PRRG1: variants seen among roughly 807,000 people sequenced by gnomAD.
The protein encoded by PRRG1 is proline rich and Gla domain 1.
A neutral mutation model predicts 11.8 loss-of-function variants in PRRG1; 5 were observed. The ratio of observed to expected loss-of-function variants is 0.42; its 90% CI spans 0.22 to 0.89. The LOEUF (loss-of-function observed/expected upper bound fraction) is 0.89, where lower values mean the gene tolerates loss of function less well. Ranked by LOEUF, PRRG1 falls within the 40% of genes least tolerant of loss-of-function variation. The probability of loss-of-function intolerance (pLI) is 0.28; values close to 1 mark genes in which losing one functional copy is unlikely to be tolerated. For synonymous variants in PRRG1, 66 were observed against 60.4 expected, an observed-to-expected ratio of 1.09 and a Z score of -0.43; for missense variants, 155 against 166.1, an observed-to-expected ratio of 0.93 and a Z score of 0.37.
intron 3 of PRRG1, among the ~76,000 whole-genome samples, chrX:37,429,506 C>G (rs1932805621): frequency 8.9e-6 from 1 of 111,734 alleles, no homozygotes; most frequent in Non-Finnish European, 1.9e-5. Context: ...GTCACCTTTG[C>G]TCCAGTTCCC....
At chrX:37,356,571 T>C (rs1214798273) in intron 1 of PRRG1, among the ~76,000 whole-genome samples, 1 of 110,473 alleles carries the variant, frequency 9.1e-6, no homozygotes, top group African/African-American at 3.3e-5. Context: ...GAGAAATTTT[T>C]GAATGGGGAG....
At chrX:37,403,114 G>A (rs1932066851) in intron 1 of PRRG1, among the ~76,000 whole-genome samples, 2 of 109,213 alleles carry the variant, frequency 1.8e-5, no homozygotes, top group Non-Finnish European at 3.8e-5. Context: ...ATTTGACCCA[G>A]CCATCCCATT....
chrX:37,450,880 A>G (rs1292686126), intron 3 of PRRG1, among the ~76,000 whole-genome samples: 3 of 112,440 alleles, frequency 2.7e-5, no homozygotes, highest in Non-Finnish European at 5.6e-5. Context: ...GTGATTGGCA[A>G]GTGTACAGGA....
chrX:37,403,497 G>T (rs1313700276), intron 1 of PRRG1, among the ~76,000 whole-genome samples: 1 of 63,697 alleles, frequency 1.6e-5, no homozygotes, highest in Non-Finnish European at 2.7e-5. Context: ...GGGGAGGGGG[G>T]AGGGATAGCA....
intron 1 of PRRG1, among the ~76,000 whole-genome samples, chrX:37,405,008 A>C (rs910177796): frequency 2.9e-4 from 33 of 112,016 alleles, no homozygotes; most frequent in African/African-American, 1.1e-3. Flanking sequence ...AAATATTTTG[A>C]GACTGTACTT....
chrX:37,420,411 G>A (rs1457042842), intron 2 of PRRG1, among the ~76,000 whole-genome samples: 1 of 111,191 alleles, frequency 9.0e-6, no homozygotes, highest in African/African-American at 3.3e-5. Context: ...TAGAGGAGAG[G>A]CCCTGACTCT....
intron 1 of PRRG1, among the ~76,000 whole-genome samples, chrX:37,368,898 A>G (rs1042999256): frequency 1.4e-4 from 16 of 111,182 alleles, no homozygotes; most frequent in Non-Finnish European, 2.6e-4. Context: ...CCACTTACTT[A>G]GTTAATAATG....
Position 37,414,624 on chromosome X carries a change from A to G in PRRG1, c.10+8365A>G, listed in dbSNP as rs144147999. ...CCTCTCCTTCAGACAGAACAACTGTACTACATTGTATTTTATCTGTTTTTA... is the reference window on the plus strand; with the variant it reads ...CCTCTCCTTCAGACAGAACAACTGTGCTACATTGTATTTTATCTGTTTTTA... On this transcript the variant is annotated intron_variant, in intron 2 of 3. Coordinates refer to ENST00000378628, the MANE Select transcript of PRRG1 (RefSeq NM_001142395.2). Among the ~76,000 whole-genome samples the G allele has an allele frequency of 3.3e-3, 372 of 112,988 alleles. 2 individuals carry two copies. Among genetic ancestry groups the G allele is most frequent in the African/African-American group, 0.011 (351 of 31,166 alleles).
chrX:37,403,645 T>C (rs868941401), intron 1 of PRRG1: 6 of 420,131 alleles, frequency 1.4e-5, no homozygotes, highest in Non-Finnish European at 1.5e-5. Flanking sequence ...TAAAATAAAA[T>C]AATAAAATAA....
chrX:37,385,219 G>T (rs1360263699), intron 1 of PRRG1, among the ~76,000 whole-genome samples: 1 of 111,913 alleles, frequency 8.9e-6, no homozygotes, highest in African/African-American at 3.2e-5. Context: ...TTGAGCAAAA[G>T]AAGCTTGATC....
chrX:37,432,116 C>G (rs1556390419), intron 3 of PRRG1, among the ~76,000 whole-genome samples: 2 of 103,189 alleles, frequency 1.9e-5, no homozygotes, highest in African/African-American at 7.3e-5. Context: ...GAGATGGAGT[C>G]TCGCTCTGTC....
At chrX:37,403,829 CT>C (rs1356504479) in intron 1 of PRRG1, 1 of 649,127 alleles carries the variant, frequency 1.5e-6, no homozygotes, top group African/African-American at 2.5e-5. Flanking sequence ...GGTATTAGGC[CT>C]TGAGCCTTTT....
chrX:37,443,428 G>T (rs1933021563), intron 3 of PRRG1, among the ~76,000 whole-genome samples: 1 of 111,895 alleles, frequency 8.9e-6, no homozygotes, highest in African/African-American at 3.3e-5. Flanking sequence ...GGAAATATAC[G>T]TAAGGGAGAC....
chrX:37,406,093 G>T, intron 1 of PRRG1, 116 bp from the exon 2 acceptor site: 1 of 570,329 alleles, frequency 1.8e-6, no homozygotes, highest in Non-Finnish European at 2.7e-6. Flanking sequence ...GAGAAAGATT[G>T]GAATGTACTG....
intron 2 of PRRG1, among the ~76,000 whole-genome samples, chrX:37,407,473 T>C (rs1257862584): frequency 9.0e-6 from 1 of 111,372 alleles, no homozygotes; most frequent in Non-Finnish European, 1.9e-5. Context: ...TGGTGTGTGG[T>C]GTGGTATAGT....
chrX:37,361,199 G>T (rs113991353), intron 1 of PRRG1, among the ~76,000 whole-genome samples: 4 of 110,855 alleles, frequency 3.6e-5, no homozygotes, highest in Non-Finnish European at 7.6e-5. Flanking sequence ...AAAATTAGCC[G>T]GGCATGGTGG....
intron 3 of PRRG1, among the ~76,000 whole-genome samples, chrX:37,435,739 A>G (rs782219016): frequency 2.0e-4 from 22 of 111,763 alleles, no homozygotes; most frequent in Non-Finnish European, 3.2e-4. Flanking sequence ...AAAAAAAATT[A>G]GAAAAGACTA....
intron 2 of PRRG1, among the ~76,000 whole-genome samples, chrX:37,415,103 A>C (rs1541165): frequency 0.3 from 32,870 of 111,321 alleles, 7,074 homozygotes; most frequent in African/African-American, 0.77. Flanking sequence ...ATATGTATAA[A>C]TGAATTAATT....
At chrX:37,403,905 C>A in intron 1 of PRRG1, 2 of 333,898 alleles carry the variant, frequency 6.0e-6, no homozygotes, top group Non-Finnish European at 7.8e-6. Context: ...ATTACTGAAA[C>A]GCTCGGTGAG....
Sources: allele counts gnomAD v4.1 joint callset (sites outside exome capture counted in the v4.1 genomes callset), GRCh38; gene constraint gnomAD v4.1.1; transcripts MANE v1.5; gene names NCBI Gene and HGNC (gene_info 2026-07-23, HGNC 2026-07-21).